Variants in PIEZO2 observed in about 807,000 individuals in gnomAD.
PIEZO2 encodes the protein piezo-type mechanosensitive ion channel component 2.
PIEZO2 carries 172 observed loss-of-function variants against 337.3 expected under a neutral mutation model. That is an observed-to-expected ratio of 0.51 (90% CI 0.45 to 0.58). The LOEUF is 0.58. Ranked by LOEUF, PIEZO2 falls within the 20% of genes least tolerant of loss-of-function variation. The probability of loss-of-function intolerance (pLI) is 0.00; values close to 1 mark genes in which losing one functional copy is unlikely to be tolerated. For synonymous variants in PIEZO2, 1,251 were observed against 1,228.5 expected (o/e 1.02, Z -0.38); for missense variants, 3,028 against 3,391.3 (o/e 0.89, Z 2.66).
intron 11 of PIEZO2, among the ~76,000 whole-genome samples, chr18:10,798,271 C>T (rs186412886): frequency 2.0e-3 from 305 of 152,356 alleles, no homozygotes; most frequent in Non-Finnish European, 3.5e-3. Flanking sequence ...GTAGACTGCC[C>T]TTTCTGCCTT....
chr18:10,790,673 T>C (rs76836400), intron 14 of PIEZO2, among the ~76,000 whole-genome samples: 8,359 of 151,382 alleles, frequency 0.055, 285 homozygotes, highest in Non-Finnish European at 0.066. Context: ...TTTTCTTTCA[T>C]TGGGAATCAC....
chr18:10,789,302 T>G lies in PIEZO2; in HGVS notation c.1946A>C (p.Lys649Thr), dbSNP rs989792048. 3 of 1,537,264 alleles carry G rather than the reference T, an allele frequency of 2.0e-6. No individual in the cohort carries two copies. In the African/African-American group the frequency reaches 4.1e-5, roughly 21 times the overall value. The change falls in exon 15 of 56, where the codon AAG becomes ACG. Residue 649 changes from lysine (K) to threonine (T), a missense_variant. Transcript: ENST00000674853. ...CTTCTTTCTCTCTTGCTTCTCTTCC[T>G]TCGCTTCCTCTTCTTCCTCCTCTTT... ...EPKEEEEEEAKEEKQERKKVE... is the reference protein window; with the variant it reads ...EPKEEEEEEATEEKQERKKVE...
chr18:10,807,105 T>C lies in PIEZO2; in HGVS notation c.1080+7A>G. 6.5e-7 allele frequency: 1 copy of C among 1,531,566 alleles called. No homozygotes were observed. The highest frequency in any genetic ancestry group is 1.2e-5 in the South Asian group (1 of 83,772). The allele number at this position is 1,531,566 out of a possible 1,614,324, so 94.9% of individuals were successfully genotyped here. On this transcript the variant is annotated splice_region_variant and intron_variant, in intron 8 of 55. Coordinates refer to ENST00000674853, the MANE Select transcript of PIEZO2 (RefSeq NM_001378183.1). ...AGACAAGATCATGAAAATGTTTTTGTCCTTACAAGGGGCTCTTGCAGCCAG... is the reference window on the plus strand; with the variant it reads ...AGACAAGATCATGAAAATGTTTTTGCCCTTACAAGGGGCTCTTGCAGCCAG...
At chr18:10,939,360 A>G (rs2032592786) in intron 3 of PIEZO2, among the ~76,000 whole-genome samples, 2 of 152,214 alleles carry the variant, frequency 1.3e-5, no homozygotes, top group South Asian at 4.1e-4. Flanking sequence ...ACAGTGTGGC[A>G]ATTCCTCAAG....
In PIEZO2 at chr18:10,763,026, C is replaced by A. The variant is rs536168003; in HGVS notation, c.3019G>T (p.Ala1007Ser). The change falls in exon 22 of 56, where the codon GCT (alanine) becomes TCT (serine). Residue 1007 changes from alanine to serine, a missense_variant. Around this residue, in one of 5 missense-constraint regions of PIEZO2, gnomAD observed 1,925 missense variants for 2,051.9 expected, o/e 0.94. Transcript: ENST00000674853. ...ALPYAKLRRL[A>S]SSVCTVWTCV... Reference sequence around the variant, plus strand: ...GTCCAGACTGTGCAGACACTTGAAGCCAGACGGCGCAGCTTGGCGTACGGC... The same window carrying A: ...GTCCAGACTGTGCAGACACTTGAAGACAGACGGCGCAGCTTGGCGTACGGC... 1 of 1,537,322 alleles carries A rather than the reference C, an allele frequency of 6.5e-7. No individual in the cohort carries two copies. The highest frequency in any genetic ancestry group is 1.2e-5 in the South Asian group (1 of 84,064).
chr18:11,131,231 C>T lies in PIEZO2; in HGVS notation c.64+17294G>A, dbSNP rs1008904491. 6.6e-6 allele frequency among the ~76,000 whole-genome samples: 1 copy of T among 152,298 alleles called. No individual in the cohort carries two copies. The highest frequency in any genetic ancestry group is 2.1e-4 in the South Asian group (1 of 4,824). On this transcript the variant is annotated intron_variant, in intron 1 of 55. Transcript: ENST00000674853. The surrounding 1 kb of genome is among the most constrained non-coding windows in gnomAD (Gnocchi z 5.3). ...CTTTCTGACCCATCTAGCCATAAAG[C>T]GTGTCATGCACAGCAGCATTCCATC...
chr18:10,891,234 G>A (rs1465502025), intron 4 of PIEZO2, among the ~76,000 whole-genome samples: 1 of 152,142 alleles, frequency 6.6e-6, no homozygotes, highest in Non-Finnish European at 1.5e-5. Context: ...TGAGGCAGGA[G>A]AATCACTTGA....
intron 3 of PIEZO2, among the ~76,000 whole-genome samples, chr18:10,978,070 C>T (rs547180674): frequency 2.0e-5 from 3 of 152,254 alleles, no homozygotes; most frequent in South Asian, 4.1e-4. Flanking sequence ...CGCCTGTAAT[C>T]CCAGCACTTT....
intron 15 of PIEZO2, 81 bp from the exon 16 acceptor site, chr18:10,787,265 G>T: frequency 8.0e-7 from 1 of 1,256,462 alleles, no homozygotes; most frequent in South Asian, 1.5e-5. Context: ...TTTAATTCAA[G>T]TAAGACAAGT....
intron 12 of PIEZO2, among the ~76,000 whole-genome samples, chr18:10,796,369 CAAA>C (rs58330881): frequency 1.3e-4 from 19 of 144,618 alleles, no homozygotes; most frequent in Admixed American, 4.1e-4. Context: ...GACTCCATCT[CAAA>C]AAAAAAAAAA....
chr18:11,075,611 T>C (rs2038504266), intron 1 of PIEZO2, among the ~76,000 whole-genome samples: 2 of 152,036 alleles, frequency 1.3e-5, no homozygotes, highest in Non-Finnish European at 2.9e-5. Context: ...CTACAGAAAG[T>C]TACAAAAATT....
chr18:10,990,011 G>T (rs1315280329), intron 2 of PIEZO2, among the ~76,000 whole-genome samples: 1 of 152,120 alleles, frequency 6.6e-6, no homozygotes, highest in Non-Finnish European at 1.5e-5. Context: ...CCACATTATT[G>T]TGTGTAGGAG....
At chr18:10,752,061 T>C (rs2037669947) in intron 28 of PIEZO2, among the ~76,000 whole-genome samples, 2 of 152,192 alleles carry the variant, frequency 1.3e-5, no homozygotes, top group African/African-American at 4.8e-5. Context: ...TGAATGTCTA[T>C]ACTCAGAGAC....
chr18:11,110,718 C>T lies in PIEZO2; in HGVS notation c.64+37807G>A, dbSNP rs1421018408. Among the ~76,000 whole-genome samples the T allele has an allele frequency of 1.3e-5, 2 of 152,042 alleles. No individual in the cohort carries two copies. The highest frequency in any genetic ancestry group is 6.6e-5 in the Admixed American group (1 of 15,264). The stretch of plus-strand genomic sequence containing the variant: ...CCTCCCCGCCCCGGCCCGCCCGCCC[C>T]GGGTCTTGTGCTTCCTGCCTTGCCT... On this transcript the variant is annotated intron_variant, in intron 1 of 55. Coordinates refer to ENST00000674853, the MANE Select transcript of PIEZO2 (RefSeq NM_001378183.1). This position sits in a 1 kb window ranked among gnomAD's most constrained non-coding sequence, Gnocchi z 4.2.
At chr18:10,694,577 T>C (rs1295447094) in intron 47 of PIEZO2, among the ~76,000 whole-genome samples, 1 of 152,156 alleles carries the variant, frequency 6.6e-6, no homozygotes, top group African/African-American at 2.4e-5. Flanking sequence ...ATGCCTGCAA[T>C]CCTAGCACTT....
At chr18:10,881,185 T>C (rs2042410231) in intron 4 of PIEZO2, among the ~76,000 whole-genome samples, 1 of 152,134 alleles carries the variant, frequency 6.6e-6, no homozygotes, top group African/African-American at 2.4e-5. Context: ...CTAATTACCT[T>C]AAGGTATGAA....
rs2039433032 is a variant in PIEZO2, at chr18:11,101,948, T to A, written c.65-35726A>T. Among the ~76,000 whole-genome samples, 1 of 152,242 alleles carries A rather than the reference T, an allele frequency of 6.6e-6. No homozygotes were observed. The highest frequency in any genetic ancestry group is 2.1e-4 in the South Asian group (1 of 4,830). On this transcript the variant is annotated intron_variant, in intron 1 of 55. Transcript: ENST00000674853. This position sits in a 1 kb window ranked among gnomAD's most constrained non-coding sequence, Gnocchi z 4.4. ...AACATTTCTGGATATGTTTAGTTTT[T>A]AAACCTCTGACTGTATATTCTGATG... is the stretch of plus-strand genomic sequence containing the variant.
rs1274942927 is a variant in PIEZO2, at chr18:11,112,753, G to T, written c.64+35772C>A. 1.3e-5 allele frequency among the ~76,000 whole-genome samples: 2 copies of T among 152,176 alleles called. No individual in the cohort carries two copies. Among genetic ancestry groups the T allele is most frequent in the East Asian group, 3.8e-4 (2 of 5,196 alleles). ...CTATTGAGAAATGCATAATGCCACA[G>T]GACTGAACTGAAAATGTGGGCTCCT... On this transcript the variant is annotated intron_variant, in intron 1 of 55. Coordinates refer to ENST00000674853, the MANE Select transcript of PIEZO2 (RefSeq NM_001378183.1). This position sits in a 1 kb window ranked among gnomAD's most constrained non-coding sequence, Gnocchi z 4.3.
chr18:11,088,597 G>C (rs987514710), intron 1 of PIEZO2, among the ~76,000 whole-genome samples: 22 of 152,144 alleles, frequency 1.4e-4, no homozygotes, highest in African/African-American at 5.1e-4. Context: ...TCACATCCAG[G>C]CAGAACACAG....
Sources: allele counts gnomAD v4.1 joint callset (sites outside exome capture counted in the v4.1 genomes callset), GRCh38; gene constraint gnomAD v4.1.1; regional missense constraint gnomAD v4.1.1; non-coding constraint Gnocchi (gnomAD v3.1); transcripts MANE v1.5; gene names NCBI Gene and HGNC (gene_info 2026-07-23, HGNC 2026-07-21).